The following PAPPA variants were observed in gnomAD, a reference collection of about 807,000 sequenced individuals.
PAPPA encodes the protein pappalysin 1, also known as pappalysin-1.
Under a neutral mutation model 164.0 loss-of-function variants are expected in PAPPA, and 60 were observed. That is an observed-to-expected ratio of 0.37 (90% confidence interval 0.30 to 0.45). PAPPA has a LOEUF of 0.45. PAPPA is among the 20% of genes least tolerant of loss of function. PAPPA has a pLI of 1.00. For synonymous variants in PAPPA, 875 were observed against 814.1 expected (o/e 1.07, Z -1.27); for missense variants, 1,782 against 2,087.3 (o/e 0.85, Z 2.85).
At chr9:116,276,855 A>AG in intron 9 of PAPPA, among the ~76,000 whole-genome samples, 1 of 152,214 alleles carries the variant, frequency 6.6e-6, no homozygotes, top group Non-Finnish European at 1.5e-5. Flanking sequence ...CTCCCCTGTG[A>AG]GGGACATCGA....
intron 19 of PAPPA, among the ~76,000 whole-genome samples, 167 bp downstream of exon 19, chr9:116,367,921 G>T (rs187697880): frequency 6.6e-6 from 1 of 152,134 alleles, no homozygotes; most frequent in Non-Finnish European, 1.5e-5. Context: ...GGGTAGAGTC[G>T]GGAGGAGACT....
At chr9:116,173,164 G>A (rs1212468513) in intron 1 of PAPPA, among the ~76,000 whole-genome samples, 1 of 152,096 alleles carries the variant, frequency 6.6e-6, no homozygotes, top group African/African-American at 2.4e-5. Flanking sequence ...AAATTATGAA[G>A]CCCCAAAGAG....
chr9:116,219,517 GTGAA>G (rs761969850), intron 4 of PAPPA, among the ~76,000 whole-genome samples: 13 of 152,258 alleles, frequency 8.5e-5, no homozygotes, highest in East Asian at 1.9e-4. Context: ...GGATAAACAA[GTGAA>G]TGAATGAATG....
At position 116,347,346 on chromosome 9, in the gene PAPPA, A is replaced by G. The variant is rs979839284; in HGVS notation, c.3964+137A>G. 27 of 662,738 alleles carry G rather than the reference A, an allele frequency of 4.1e-5. 1 individual carries two copies. In the South Asian group the frequency reaches 6.0e-4, roughly 15 times the overall value. The allele number at this position is 662,738 out of a possible 1,614,324, so 41.1% of individuals were successfully genotyped here. ...CTATGCTCCTGACTTCTTCCTACTA[A>G]TTGTATTTATGTAAACTGCCCTGCT... On this transcript the variant is annotated intron_variant, in intron 15 of 21. Transcript: ENST00000328252. The surrounding 1 kb of genome is among the most constrained non-coding windows in gnomAD (Gnocchi z 4.5).
chr9:116,388,516 A>T (rs1157394167), intron 21 of PAPPA, among the ~76,000 whole-genome samples: 1 of 152,144 alleles, frequency 6.6e-6, no homozygotes, highest in Non-Finnish European at 1.5e-5. Context: ...CTGCTAAGAG[A>T]GTGATTCTTA....
intron 2 of PAPPA, among the ~76,000 whole-genome samples, chr9:116,197,189 T>C (rs571855402): frequency 1.4e-4 from 21 of 152,330 alleles, no homozygotes; most frequent in African/African-American, 4.8e-4. Flanking sequence ...ACACATATTC[T>C]CAAATTAGAC....
At chr9:116,355,672 G>A (rs1244906647) in intron 17 of PAPPA, among the ~76,000 whole-genome samples, 1 of 152,178 alleles carries the variant, frequency 6.6e-6, no homozygotes, top group Non-Finnish European at 1.5e-5. Flanking sequence ...CTGCGGTCAT[G>A]TTATCAAACT....
intron 1 of PAPPA, among the ~76,000 whole-genome samples, chr9:116,173,566 T>G (rs1200756175): frequency 6.6e-6 from 1 of 152,236 alleles, no homozygotes; most frequent in Non-Finnish European, 1.5e-5. Context: ...CTTTGTGATC[T>G]AGCCTCAGAC....
chr9:116,395,757 G>A (rs1406499402), intron 21 of PAPPA, among the ~76,000 whole-genome samples: 2 of 152,116 alleles, frequency 1.3e-5, no homozygotes, highest in African/African-American at 2.4e-5. Context: ...CTTCAAATTT[G>A]GTGCAAAACC....
intron 7 of PAPPA, among the ~76,000 whole-genome samples, chr9:116,265,259 G>C (rs1845052578): frequency 6.6e-6 from 1 of 152,116 alleles, no homozygotes; most frequent in African/African-American, 2.4e-5. Context: ...AAAGTGTTTA[G>C]CCTAAGGCCC....
At chr9:116,351,945 G>T (rs1475966126) in intron 15 of PAPPA, among the ~76,000 whole-genome samples, 1 of 152,182 alleles carries the variant, frequency 6.6e-6, no homozygotes, top group African/African-American at 2.4e-5. Context: ...TCCTCTAGTT[G>T]TCTTGGGAAG....
chr9:116,325,611 C>T lies in PAPPA; in HGVS notation c.3148-5633C>T, dbSNP rs567925087. On this transcript the variant is annotated intron_variant, in intron 10 of 21. Coordinates refer to ENST00000328252, the MANE Select transcript of PAPPA (RefSeq NM_002581.5). ...AGTGGACAAGGGGTCACTTGCCTTTCAATTCCTCCAGGTGCTAGGATGAGG... is the reference window on the plus strand; with the variant it reads ...AGTGGACAAGGGGTCACTTGCCTTTTAATTCCTCCAGGTGCTAGGATGAGG... Among the ~76,000 whole-genome samples the T allele has an allele frequency of 2.6e-5, 4 of 152,284 alleles. 1 individual carries two copies. The South Asian group carries it at 8.3e-4, about 32-fold the overall frequency.
intron 21 of PAPPA, among the ~76,000 whole-genome samples, chr9:116,391,853 C>T (rs1588033529): frequency 6.6e-6 from 1 of 152,078 alleles, no homozygotes; most frequent in Admixed American, 6.5e-5. Context: ...CTTGGGAGGC[C>T]GCCTGGGGGA....
At chr9:116,279,774 G>A (rs914574412) in intron 9 of PAPPA, among the ~76,000 whole-genome samples, 6 of 152,136 alleles carry the variant, frequency 3.9e-5, no homozygotes, top group African/African-American at 7.2e-5. Flanking sequence ...TGACTGAGGC[G>A]GACTGGGAGA....
At chr9:116,189,029 A>G (rs1426723222) in intron 2 of PAPPA, among the ~76,000 whole-genome samples, 1 of 152,208 alleles carries the variant, frequency 6.6e-6, no homozygotes, top group African/African-American at 2.4e-5. Context: ...TCAAAGAGAA[A>G]AAGTTGATTT....
Position 116,396,674 on chromosome 9 carries a change from T to G in PAPPA, c.*58T>G. The G allele has an allele frequency of 1.3e-6, 1 of 759,062 alleles. No homozygotes were observed. Among genetic ancestry groups the G allele is most frequent in the Non-Finnish European group, 2.5e-6 (1 of 405,820 alleles). The allele number at this position is 759,062 out of a possible 1,614,324, so 47.0% of individuals were successfully genotyped here. On this transcript the variant is annotated 3_prime_UTR_variant, in exon 22 of 22. Transcript: ENST00000328252. ...CGCCAGGACCCACATCCCTTTGGTA[T>G]TGATTTCACAGTCAGCTGCTCAACG...
chr9:116,344,453 G>T, intron 13 of PAPPA, 90 bp from the exon 14 acceptor site: 1 of 1,330,754 alleles, frequency 7.5e-7, no homozygotes, highest in Non-Finnish European at 1.0e-6. Flanking sequence ...CTGAAATCTT[G>T]GAGAAAGAGG....
chr9:116,259,681 G>T (rs1844978617), intron 7 of PAPPA, among the ~76,000 whole-genome samples: 3 of 152,156 alleles, frequency 2.0e-5, no homozygotes, highest in Admixed American at 1.3e-4. Context: ...CTTTGGGAAT[G>T]GGAAGCCTTT....
At chr9:116,242,205 G>T (rs1844744503) in intron 7 of PAPPA, among the ~76,000 whole-genome samples, 1 of 152,124 alleles carries the variant, frequency 6.6e-6, no homozygotes, top group South Asian at 2.1e-4. Flanking sequence ...CATGGGAAGG[G>T]TGTCTAACTG....
Sources: gnomAD v4.1 joint callset for allele counts (sites outside exome capture counted in the v4.1 genomes callset) on GRCh38, gnomAD v4.1.1 for gene constraint, Gnocchi (gnomAD v3.1) non-coding constraint, MANE v1.5 for transcripts, NCBI Gene and HGNC (gene_info 2026-07-23, HGNC 2026-07-21) for gene names.